Variants in TFDP2 observed in about 807,000 individuals in gnomAD.
TFDP2 encodes transcription factor Dp-2 (E2F dimerization partner 2).
Under a neutral mutation model 59.3 loss-of-function variants are expected in TFDP2, and 17 were observed. That is an observed-to-expected ratio of 0.29 (90% CI 0.20 to 0.43). TFDP2 has a LOEUF of 0.43. TFDP2 is among the 20% of genes least tolerant of loss of function. The pLI is 1.00. For synonymous variants in TFDP2, 180 were observed against 194.7 expected, an observed-to-expected ratio of 0.92 and a Z score of 0.63; for missense variants, 391 against 528.8, an observed-to-expected ratio of 0.74 and a Z score of 2.56.
intron 3 of TFDP2, among the ~76,000 whole-genome samples, chr3:142,020,979 T>C (rs956749964): frequency 1.9e-5 from 2 of 105,758 alleles, no homozygotes; most frequent in South Asian, 4.0e-4. Context: ...AGCAACACCC[T>C]GTCTCAAAAA....
chr3:142,003,719 C>G (rs11569192), intron 4 of TFDP2, among the ~76,000 whole-genome samples: 3 of 152,156 alleles, frequency 2.0e-5, no homozygotes. Context: ...AGTTCCAAAT[C>G]GCCTCTCCTT....
chr3:142,117,213 A>C (rs1180887061), intron 1 of TFDP2, among the ~76,000 whole-genome samples: 1 of 151,996 alleles, frequency 6.6e-6, no homozygotes, highest in Non-Finnish European at 1.5e-5. Flanking sequence ...GAGCCACTGC[A>C]CCCGGCCCGA....
chr3:142,011,256 A>G (rs1403286334), intron 3 of TFDP2, among the ~76,000 whole-genome samples: 6 of 60,506 alleles, frequency 9.9e-5, no homozygotes, highest in South Asian at 7.4e-4. Context: ...AATACTATGC[A>G]GCCATAAAAA....
intron 4 of TFDP2, among the ~76,000 whole-genome samples, chr3:142,002,317 G>A (rs1485360736): frequency 9.4e-6 from 1 of 106,858 alleles, no homozygotes; most frequent in African/African-American, 3.7e-5. Flanking sequence ...TATTTTTAGT[G>A]TTTTTTTTTT....
At chr3:142,074,835 G>C (rs2060386657) in intron 3 of TFDP2, among the ~76,000 whole-genome samples, 1 of 152,210 alleles carries the variant, frequency 6.6e-6, no homozygotes, top group African/African-American at 2.4e-5. Flanking sequence ...GTGGGCGACA[G>C]AGTGAGACTT....
At chr3:142,087,564 G>A (rs1405067967) in intron 3 of TFDP2, among the ~76,000 whole-genome samples, 1 of 150,112 alleles carries the variant, frequency 6.7e-6, no homozygotes, top group East Asian at 1.9e-4. Context: ...TCAGTGGTAC[G>A]ATCTCAGCTC....
intron 1 of TFDP2, among the ~76,000 whole-genome samples, chr3:142,139,869 T>A (rs2062874885): frequency 6.6e-6 from 1 of 152,188 alleles, no homozygotes. Flanking sequence ...CTCAGGAGTA[T>A]CTTTGTGGTG....
intron 2 of TFDP2, among the ~76,000 whole-genome samples, chr3:142,096,272 T>C (rs1181954345): frequency 2.6e-5 from 4 of 152,230 alleles, no homozygotes; most frequent in Non-Finnish European, 2.9e-5. Flanking sequence ...AAAATATGTA[T>C]TAATTTCTAC....
chr3:142,088,884 A>T (rs564080170), intron 3 of TFDP2, among the ~76,000 whole-genome samples: 4 of 151,474 alleles, frequency 2.6e-5, no homozygotes, highest in Non-Finnish European at 4.4e-5. Flanking sequence ...CTGGAGTGCA[A>T]TGACGTGATC....
intron 4 of TFDP2, among the ~76,000 whole-genome samples, chr3:142,004,770 A>G (rs1342500481): frequency 1.3e-5 from 2 of 152,218 alleles, no homozygotes; most frequent in East Asian, 3.8e-4. Context: ...GTGAGAATAC[A>G]TAGTTTAGAG....
At chr3:142,098,269 CAA>C (rs750380975) in intron 2 of TFDP2, among the ~76,000 whole-genome samples, 1 of 117,116 alleles carries the variant, frequency 8.5e-6, no homozygotes, top group Admixed American at 8.9e-5. Context: ...ATTGACAAGG[CAA>C]AAAAAAAAAA....
chr3:141,987,160 C>T (rs1448889625), intron 6 of TFDP2, among the ~76,000 whole-genome samples: 9 of 152,182 alleles, frequency 5.9e-5, no homozygotes, highest in Admixed American at 5.9e-4. Flanking sequence ...AGAATTTCCA[C>T]TACAATACTG....
At position 141,948,748 on chromosome 3, in the gene TFDP2, T is replaced by G. The variant is rs1935547434; in HGVS notation, c.*3765A>C. 1.3e-5 allele frequency: 2 copies of G among 151,880 alleles called. No individual in the cohort carries two copies. Among genetic ancestry groups the G allele is most frequent in the Non-Finnish European group, 1.5e-5 (1 of 67,958 alleles). The allele number at this position is 151,880 out of a possible 1,614,324, so 9.4% of individuals were successfully genotyped here. On this transcript the variant is annotated 3_prime_UTR_variant, in exon 13 of 13. Transcript: ENST00000489671. ...CCCAAGTAGCCAAAAAGAGTTGTGG[T>G]TTAGCAAACAGTCAAGTTATAGATG...
At chr3:142,115,884 A>G (rs983838398) in intron 1 of TFDP2, among the ~76,000 whole-genome samples, 2 of 152,140 alleles carry the variant, frequency 1.3e-5, no homozygotes, top group African/African-American at 4.8e-5. Flanking sequence ...ACAAAGACAC[A>G]CCAAAAAATG....
intron 6 of TFDP2, among the ~76,000 whole-genome samples, chr3:141,985,335 G>A (rs1213952432): frequency 6.6e-6 from 1 of 151,720 alleles, no homozygotes; most frequent in African/African-American, 2.4e-5. Flanking sequence ...TCAAGACCAG[G>A]CTGGGCAACA....
chr3:141,962,016 T>C (rs1428535791), intron 10 of TFDP2, among the ~76,000 whole-genome samples: 14 of 152,214 alleles, frequency 9.2e-5, no homozygotes, highest in Admixed American at 2.6e-4. Context: ...TGGTACAATC[T>C]TGGGTCACTG....
intron 1 of TFDP2, among the ~76,000 whole-genome samples, chr3:142,143,839 T>G (rs1159626795): frequency 6.6e-6 from 1 of 152,114 alleles, no homozygotes; most frequent in African/African-American, 2.4e-5. Flanking sequence ...AGAGAACAAT[T>G]TGGACGTTCC....
In TFDP2 at chr3:141,953,005, C is replaced by T. The variant is rs1237977960; in HGVS notation, c.1063G>A (p.Gly355Arg). ...AGTCCCTGATTTAACCAAGAAGGTCCTGTGGAGATATCTAAAGGAAAAAAT... is the reference window on the plus strand; with the variant it reads ...AGTCCCTGATTTAACCAAGAAGGTCTTGTGGAGATATCTAAAGGAAAAAAT... ...LEGYITDIST[G>R]PSWLNQGLLL... The change falls in exon 12 of 13, where the codon GGA (glycine) becomes AGA (arginine). Residue 355 changes from glycine (G) to arginine (R), a missense_variant. By Grantham distance (125) the Gly-to-Arg change is moderately radical. Coordinates refer to ENST00000489671, the MANE Select transcript of TFDP2 (RefSeq NM_001178139.2). The T allele has an allele frequency of 6.2e-7, 1 of 1,613,208 alleles. No homozygotes were observed. Among genetic ancestry groups the T allele is most frequent in the Non-Finnish European group, 8.5e-7 (1 of 1,179,540 alleles).
Position 142,073,923 on chromosome 3 carries a change from T to C in TFDP2, c.82+19138A>G, listed in dbSNP as rs114108834. Reference sequence around the variant, plus strand: ...CCATCAAAATGTTAAGTGTCTTTTTTCAGAGAAATAGAAAAGCTGATCCCC... The same window carrying C: ...CCATCAAAATGTTAAGTGTCTTTTTCCAGAGAAATAGAAAAGCTGATCCCC... On this transcript the variant is annotated intron_variant, in intron 3 of 12. Transcript: ENST00000489671. Among the ~76,000 whole-genome samples the C allele has an allele frequency of 4.4e-3, 669 of 152,320 alleles. 6 individuals carry two copies. The highest frequency in any genetic ancestry group is 0.015 in the African/African-American group (623 of 41,568).
Sources: allele counts gnomAD v4.1 joint callset (sites outside exome capture counted in the v4.1 genomes callset), GRCh38; gene constraint gnomAD v4.1.1; transcripts MANE v1.5; gene names NCBI Gene and HGNC (gene_info 2026-07-23, HGNC 2026-07-21).